Variants in STK3 observed in about 807,000 individuals in gnomAD.
The protein encoded by STK3 is serine/threonine kinase 3, also known as serine/threonine-protein kinase 3.
STK3 carries 41 observed loss-of-function variants against 58.0 expected under a neutral mutation model. That is an observed-to-expected ratio of 0.71 (90% confidence interval 0.55 to 0.92). The LOEUF is 0.92. Among genes scored for constraint, STK3 ranks in the 40% least tolerant of loss-of-function variants. STK3 has a pLI of 0.00. For synonymous variants in STK3, 170 were observed against 191.0 expected, an observed-to-expected ratio of 0.89 and a Z score of 0.91; for missense variants, 479 against 602.7, an observed-to-expected ratio of 0.79 and a Z score of 2.15.
intron 10 of STK3, among the ~76,000 whole-genome samples, chr8:98,520,869 T>C (rs553479138): frequency 6.6e-6 from 1 of 152,220 alleles, no homozygotes; most frequent in Non-Finnish European, 1.5e-5. Context: ...CACTTCCCCA[T>C]TTTGTGAGCA....
intron 3 of STK3, among the ~76,000 whole-genome samples, chr8:98,426,034 A>T (rs749399509): frequency 6.6e-6 from 1 of 152,144 alleles, no homozygotes; most frequent in Non-Finnish European, 1.5e-5. Flanking sequence ...CTTAAGGACA[A>T]TCCCAGCAGA....
At chr8:98,911,200 A>T (rs1277624741) in intron 1 of STK3, among the ~76,000 whole-genome samples, 1 of 152,210 alleles carries the variant, frequency 6.6e-6, no homozygotes, top group African/African-American at 2.4e-5. Context: ...CGTTCTCAAC[A>T]AATTATTGTC....
intron 1 of STK3, among the ~76,000 whole-genome samples, chr8:98,792,003 G>T (rs970501707): frequency 6.6e-6 from 1 of 152,130 alleles, no homozygotes; most frequent in Non-Finnish European, 1.5e-5. Context: ...ACAAAAGAAC[G>T]GTCAGCAGAG....
upstream of STK3, among the ~76,000 whole-genome samples, chr8:98,389,642 T>C (rs1817827614): frequency 1.3e-5 from 2 of 151,564 alleles, no homozygotes; most frequent in Admixed American, 1.3e-4. Flanking sequence ...GACAAACCTT[T>C]CCATGTGACA....
chr8:98,869,696 T>G (rs1837296200), intron 3 of STK3, among the ~76,000 whole-genome samples: 1 of 152,056 alleles, frequency 6.6e-6, no homozygotes, highest in Non-Finnish European at 1.5e-5. Context: ...GCCAAATCTT[T>G]TATTTTATTT....
At chr8:98,680,783 G>A (rs1823573352) in intron 6 of STK3, among the ~76,000 whole-genome samples, 1 of 151,822 alleles carries the variant, frequency 6.6e-6, no homozygotes, top group Admixed American at 6.6e-5. Flanking sequence ...AAGATCCAGA[G>A]AACTAAATAA....
intron 8 of STK3, among the ~76,000 whole-genome samples, chr8:98,563,492 T>C (rs1192647720): frequency 6.6e-6 from 1 of 152,158 alleles, no homozygotes; most frequent in African/African-American, 2.4e-5. Flanking sequence ...TCTCCTTGCC[T>C]CATAAGCTGA....
At chr8:98,879,604 C>T (rs972327756), downstream of STK3, 3 of 152,128 alleles carry the variant, frequency 2.0e-5, no homozygotes, top group Non-Finnish European at 2.9e-5. Flanking sequence ...ACCTAAAGAG[C>T]TAATCCTCTA....
chr8:98,562,470 A>G (rs1812121498), intron 8 of STK3, among the ~76,000 whole-genome samples: 1 of 152,104 alleles, frequency 6.6e-6, no homozygotes, highest in Non-Finnish European at 1.5e-5. Flanking sequence ...AAAAGCCAAA[A>G]CTATAAATGG....
downstream of STK3, among the ~76,000 whole-genome samples, chr8:98,398,594 G>A (rs760439110): frequency 1.3e-5 from 2 of 152,126 alleles, no homozygotes; most frequent in African/African-American, 2.4e-5. Context: ...TAGTCCTAGG[G>A]GACTTGACAT....
intron 10 of STK3, among the ~76,000 whole-genome samples, chr8:98,521,493 C>T (rs1255556647): frequency 1.3e-5 from 2 of 151,892 alleles, no homozygotes; most frequent in Non-Finnish European, 2.9e-5. Flanking sequence ...TTTCCCCTAC[C>T]CTGAGTCTCT....
chr8:98,714,648 C>G (rs200682011), intron 4 of STK3, among the ~76,000 whole-genome samples: 46 of 152,154 alleles, frequency 3.0e-4, no homozygotes, highest in East Asian at 9.7e-4. Flanking sequence ...CAAACAAATG[C>G]AAGAACATTC....
chr8:98,597,169 A>T, intron 6 of STK3: 1 of 587,448 alleles, frequency 1.7e-6, no homozygotes, highest in Non-Finnish European at 2.1e-6. Flanking sequence ...CAGGTATTTT[A>T]ATAATTGCCT....
intron 7 of STK3, among the ~76,000 whole-genome samples, chr8:98,582,734 C>T (rs1200990167): frequency 4.0e-5 from 6 of 151,864 alleles, no homozygotes; most frequent in African/African-American, 4.8e-5. Flanking sequence ...CTCATACTGG[C>T]GTTACATACT....
intron 1 of STK3, among the ~76,000 whole-genome samples, chr8:98,777,098 A>T (rs1831742220): frequency 6.6e-6 from 1 of 152,092 alleles, no homozygotes; most frequent in Non-Finnish European, 1.5e-5. Context: ...AATAAAAATA[A>T]AAAGGTGTTT....
intron 1 of STK3, among the ~76,000 whole-genome samples, chr8:98,384,494 T>C (rs1432219416): frequency 6.6e-6 from 1 of 152,230 alleles, no homozygotes; most frequent in Non-Finnish European, 1.5e-5. Flanking sequence ...GACAACTCAC[T>C]GTCAAGACCT....
intron 9 of STK3, among the ~76,000 whole-genome samples, chr8:98,528,541 C>A (rs1250880226): frequency 6.6e-6 from 1 of 152,000 alleles, no homozygotes; most frequent in Non-Finnish European, 1.5e-5. Context: ...GGCTGGAGTG[C>A]AATGGCACGA....
intron 10 of STK3, among the ~76,000 whole-genome samples, chr8:98,476,965 A>C (rs889241489): frequency 1.3e-5 from 2 of 152,194 alleles, no homozygotes; most frequent in Non-Finnish European, 2.9e-5. Context: ...GAACTCTCTG[A>C]CCTTTCTTCT....
At chr8:98,433,488 G>A (rs780700085) in intron 3 of STK3, among the ~76,000 whole-genome samples, 1 of 152,096 alleles carries the variant, frequency 6.6e-6, no homozygotes, top group Non-Finnish European at 1.5e-5. Context: ...AAGGCCACTG[G>A]GCTGACTTGG....
Sources: allele counts gnomAD v4.1 joint callset (sites outside exome capture counted in the v4.1 genomes callset), GRCh38; gene constraint gnomAD v4.1.1; transcripts MANE v1.5; gene names NCBI Gene and HGNC (gene_info 2026-07-23, HGNC 2026-07-21).